STXBP5L: variants seen among roughly 807,000 people sequenced by gnomAD.
The protein encoded by STXBP5L is syntaxin binding protein 5L.
Under a neutral mutation model 144.5 loss-of-function variants are expected in STXBP5L, and 65 were observed. The observed-to-expected ratio is 0.45, with a 90% confidence interval of 0.37 to 0.55. The LOEUF (loss-of-function observed/expected upper bound fraction) is 0.55, where lower values mean the gene tolerates loss of function less well. STXBP5L is among the 20% of genes least tolerant of loss of function. STXBP5L has a pLI of 0.00. For missense variants in STXBP5L, 1,298 were observed against 1,405.5 expected, an observed-to-expected ratio of 0.92 and a Z score of 1.22; for synonymous variants, 505 against 469.6, an observed-to-expected ratio of 1.08 and a Z score of -0.97.
At chr3:121,051,893 T>C (rs962400612) in intron 5 of STXBP5L, among the ~76,000 whole-genome samples, 7 of 152,018 alleles carry the variant, frequency 4.6e-5, no homozygotes, top group African/African-American at 1.7e-4. Flanking sequence ...CAATAAAAAA[T>C]GATAAAGGGG....
intron 10 of STXBP5L, among the ~76,000 whole-genome samples, chr3:121,210,970 A>G (rs1275734927): frequency 6.6e-6 from 1 of 152,208 alleles, no homozygotes; most frequent in East Asian, 1.9e-4. Flanking sequence ...CTGTGAAGAA[A>G]GTCATTGGTA....
At chr3:121,091,690 A>T (rs1560118376) in intron 5 of STXBP5L, among the ~76,000 whole-genome samples, 1 of 152,054 alleles carries the variant, frequency 6.6e-6, no homozygotes, top group Non-Finnish European at 1.5e-5. Flanking sequence ...TTGTCAGATG[A>T]GTAGGTTGCG....
intron 3 of STXBP5L, among the ~76,000 whole-genome samples, chr3:121,031,138 T>C (rs1250614265): frequency 1.3e-5 from 2 of 152,212 alleles, no homozygotes; most frequent in Middle Eastern, 3.4e-3. Flanking sequence ...AACCACATGA[T>C]TAAAACCCCA....
chr3:120,994,352 C>T (rs1321738421), intron 3 of STXBP5L, among the ~76,000 whole-genome samples: 1 of 151,940 alleles, frequency 6.6e-6, no homozygotes, highest in East Asian at 1.9e-4. Context: ...AAATGGATAT[C>T]CTTTTCTTTT....
chr3:121,003,743 A>C (rs145930901), intron 3 of STXBP5L, among the ~76,000 whole-genome samples: 17,019 of 152,212 alleles, frequency 0.11, 1,048 homozygotes, highest in Non-Finnish European at 0.14. Context: ...GGTGTAAGGA[A>C]GGGATCCAGT....
intron 3 of STXBP5L, among the ~76,000 whole-genome samples, chr3:121,039,651 A>T (rs1403205254): frequency 2.0e-5 from 3 of 151,664 alleles, no homozygotes; most frequent in African/African-American, 7.3e-5. Flanking sequence ...TTTCAGTTTT[A>T]TGTGTCTGAA....
At chr3:121,062,956 T>C (rs537848726) in intron 5 of STXBP5L, among the ~76,000 whole-genome samples, 1 of 152,340 alleles carries the variant, frequency 6.6e-6, no homozygotes, top group East Asian at 1.9e-4. Context: ...TAAAACATGC[T>C]CCTTTAGCTT....
At chr3:121,162,809 A>G (rs1481101593) in intron 9 of STXBP5L, among the ~76,000 whole-genome samples, 1 of 152,242 alleles carries the variant, frequency 6.6e-6, no homozygotes, top group Non-Finnish European at 1.5e-5. Context: ...CAACCAACAA[A>G]TATATGAAAA....
chr3:121,002,291 C>T (rs997011592), intron 3 of STXBP5L, among the ~76,000 whole-genome samples: 1 of 152,184 alleles, frequency 6.6e-6, no homozygotes, highest in East Asian at 1.9e-4. Context: ...TTAGTGCTTC[C>T]CTGATGATTA....
Position 121,067,996 on chromosome 3 carries a change from T to C in STXBP5L, c.470+22461T>C, listed in dbSNP as rs56883189. On this transcript the variant is annotated intron_variant, in intron 5 of 26. Transcript: ENST00000471454. ...TTTTAAGCATACAATTTTAAAAAAT[T>C]AGTCTGACAATATTAGTCAATTTTT... 2.5e-3 allele frequency among the ~76,000 whole-genome samples: 379 copies of C among 152,324 alleles called. 2 individuals carry two copies. Among genetic ancestry groups the C allele is most frequent in the African/African-American group, 8.6e-3 (356 of 41,570 alleles).
At chr3:120,953,965 G>A (rs1260093850) in intron 2 of STXBP5L, among the ~76,000 whole-genome samples, 4 of 152,066 alleles carry the variant, frequency 2.6e-5, no homozygotes, top group Non-Finnish European at 4.4e-5. Flanking sequence ...TTTATTAGAT[G>A]TATAAGGCAG....
chr3:121,089,905 A>T lies in STXBP5L; in HGVS notation c.471-25020A>T, dbSNP rs77520505. 9.3e-3 allele frequency among the ~76,000 whole-genome samples: 1,418 copies of T among 152,110 alleles called. 15 individuals are homozygous for T. Among genetic ancestry groups the T allele is most frequent in the African/African-American group, 0.02 (821 of 41,524 alleles). On this transcript the variant is annotated intron_variant, in intron 5 of 26. Transcript: ENST00000471454. ...AAATTTTCTTCATTATATTTTAAGT[A>T]GTAAAATTTGTAATTGGTTCTTTTT...
intron 19 of STXBP5L, among the ~76,000 whole-genome samples, chr3:121,299,671 G>A (rs1213110820): frequency 5.9e-5 from 9 of 151,946 alleles, no homozygotes; most frequent in Admixed American, 5.9e-4. Context: ...GATCCAGGAA[G>A]CTCAAAACAC....
At chr3:121,080,169 G>C (rs2042190646) in intron 5 of STXBP5L, among the ~76,000 whole-genome samples, 1 of 151,816 alleles carries the variant, frequency 6.6e-6, no homozygotes. Flanking sequence ...GGTTTCCATT[G>C]GCATGGAACA....
At chr3:121,141,403 CA>C (rs11441021) in intron 7 of STXBP5L, among the ~76,000 whole-genome samples, 64 of 146,460 alleles carry the variant, frequency 4.4e-4, no homozygotes, top group East Asian at 2.2e-3. Flanking sequence ...AACTCTGTCT[CA>C]AAAAAAAAAA....
chr3:121,422,244 T>C lies in STXBP5L; in HGVS notation c.*3147T>C, dbSNP rs186075397. On this transcript the variant is annotated 3_prime_UTR_variant, in exon 27 of 27. Transcript: ENST00000471454. ...CTATTTCGGAACATAAGAAAAATACTCCTAATAACTTGGACAATGATACAG... is the reference window on the plus strand; with the variant it reads ...CTATTTCGGAACATAAGAAAAATACCCCTAATAACTTGGACAATGATACAG... 1.7e-4 allele frequency: 26 copies of C among 152,272 alleles called. No homozygotes were observed. The highest frequency in any genetic ancestry group is 6.3e-4 in the African/African-American group (26 of 41,548). 9.4% of individuals were successfully genotyped at this position (152,272 alleles called of 1,614,324 possible).
At chr3:121,380,485 A>T (rs569991693) in intron 21 of STXBP5L, among the ~76,000 whole-genome samples, 1 of 152,206 alleles carries the variant, frequency 6.6e-6, no homozygotes, top group Non-Finnish European at 1.5e-5. Flanking sequence ...TGGAGAGATT[A>T]TAAGAGCAGG....
At chr3:121,055,240 G>C (rs912678499) in intron 5 of STXBP5L, among the ~76,000 whole-genome samples, 2 of 152,114 alleles carry the variant, frequency 1.3e-5, no homozygotes, top group Non-Finnish European at 2.9e-5. Context: ...ATCTATCGAA[G>C]TATGGTGAAT....
chr3:121,186,902 A>T (rs1198404529), intron 9 of STXBP5L, among the ~76,000 whole-genome samples: 1 of 152,142 alleles, frequency 6.6e-6, no homozygotes, highest in African/African-American at 2.4e-5. Flanking sequence ...ATCATTAAAA[A>T]GTCAGGAAAC....
Sources: allele counts gnomAD v4.1 joint callset (sites outside exome capture counted in the v4.1 genomes callset), GRCh38; gene constraint gnomAD v4.1.1; transcripts MANE v1.5; gene names NCBI Gene and HGNC (gene_info 2026-07-23, HGNC 2026-07-21).